TMTC2: variants seen among roughly 807,000 people sequenced by gnomAD.
TMTC2 encodes the protein protein O-mannosyl-transferase TMTC2.
Under a neutral mutation model 82.4 loss-of-function variants are expected in TMTC2, and 43 were observed. The ratio of observed to expected loss-of-function variants is 0.52; its 90% CI spans 0.41 to 0.67. The LOEUF (loss-of-function observed/expected upper bound fraction) is 0.67. Ranked by LOEUF, TMTC2 falls within the 30% of genes least tolerant of loss-of-function variation. TMTC2 has a pLI of 0.00. For synonymous variants in TMTC2, 408 were observed against 381.9 expected, an observed-to-expected ratio of 1.07 and a Z score of -0.80; for missense variants, 919 against 1,012.4, an observed-to-expected ratio of 0.91 and a Z score of 1.25.
At chr12:82,700,559 T>C (rs1253784257) in intron 1 of TMTC2, among the ~76,000 whole-genome samples, 4 of 152,146 alleles carry the variant, frequency 2.6e-5, no homozygotes, top group African/African-American at 7.2e-5. Context: ...AATTTTAAGT[T>C]TGGAGAAGTG....
intron 1 of TMTC2, among the ~76,000 whole-genome samples, chr12:82,742,524 T>C (rs377364049): frequency 6.6e-5 from 10 of 150,384 alleles, no homozygotes; most frequent in African/African-American, 1.5e-4. Flanking sequence ...GTATATTCTT[T>C]TTTTTTTTTT....
At chr12:82,993,430 A>C (rs1879483508) in intron 8 of TMTC2, among the ~76,000 whole-genome samples, 1 of 152,216 alleles carries the variant, frequency 6.6e-6, no homozygotes, top group Admixed American at 6.5e-5. Flanking sequence ...CAATTTAAAA[A>C]AACAGGCAGA....
intron 11 of TMTC2, among the ~76,000 whole-genome samples, chr12:83,068,691 C>G (rs1883005483): frequency 6.6e-6 from 1 of 152,000 alleles, no homozygotes; most frequent in South Asian, 2.1e-4. Context: ...CAAATACATC[C>G]ATATATTTTG....
At chr12:82,927,152 CT>C (rs1364296697) in intron 3 of TMTC2, among the ~76,000 whole-genome samples, 23 of 152,068 alleles carry the variant, frequency 1.5e-4, no homozygotes, top group African/African-American at 4.8e-5. Context: ...AAATGGAAAA[CT>C]TTTGGAAAGA....
intron 11 of TMTC2, among the ~76,000 whole-genome samples, chr12:83,066,341 A>G (rs2137480374): frequency 6.6e-6 from 1 of 152,020 alleles, no homozygotes; most frequent in East Asian, 1.9e-4. Flanking sequence ...GAACAAGGAG[A>G]GAATTCTGGC....
intron 3 of TMTC2, among the ~76,000 whole-genome samples, chr12:82,926,717 A>G (rs921639623): frequency 2.0e-5 from 3 of 152,206 alleles, no homozygotes; most frequent in Admixed American, 2.0e-4. Context: ...GGCTAATACA[A>G]CTGGTAACCT....
chr12:82,704,083 A>C (rs1476905697), intron 1 of TMTC2, among the ~76,000 whole-genome samples: 1 of 152,026 alleles, frequency 6.6e-6, no homozygotes, highest in Non-Finnish European at 1.5e-5. Flanking sequence ...TTTTTATGGG[A>C]GGTGGGGAGG....
intron 1 of TMTC2, among the ~76,000 whole-genome samples, chr12:82,842,829 T>G (rs553457096): frequency 4.1e-4 from 63 of 152,202 alleles, no homozygotes; most frequent in South Asian, 8.3e-4. Flanking sequence ...TGTGTCCAAA[T>G]TTTTTTTCTT....
chr12:82,923,520 T>A (rs1025864753), intron 3 of TMTC2, among the ~76,000 whole-genome samples: 4 of 152,116 alleles, frequency 2.6e-5, no homozygotes, highest in Admixed American at 2.6e-4. Flanking sequence ...TTTTTTTACA[T>A]TTCAAATGAT....
chr12:82,881,355 A>G (rs1033506502), intron 2 of TMTC2, among the ~76,000 whole-genome samples: 1 of 152,244 alleles, frequency 6.6e-6, no homozygotes, highest in African/African-American at 2.4e-5. Flanking sequence ...ACTTTCCGAC[A>G]TCGTAATTTC....
chr12:82,864,467 A>G (rs990265796), intron 2 of TMTC2, among the ~76,000 whole-genome samples: 2 of 144,096 alleles, frequency 1.4e-5, no homozygotes, highest in South Asian at 4.6e-4. Context: ...GAAGTTTTAT[A>G]TCTCATTCAT....
At chr12:82,827,843 G>A (rs1869507555) in intron 1 of TMTC2, among the ~76,000 whole-genome samples, 1 of 151,386 alleles carries the variant, frequency 6.6e-6, no homozygotes, top group African/African-American at 2.4e-5. Flanking sequence ...GACTATGGAT[G>A]CCTGCCACCA....
intron 7 of TMTC2, among the ~76,000 whole-genome samples, chr12:82,975,482 G>A (rs908886173): frequency 1.2e-4 from 19 of 152,040 alleles, no homozygotes; most frequent in Admixed American, 8.5e-4. Flanking sequence ...GTTTTGTTCC[G>A]GATTGCATTA....
intron 1 of TMTC2, among the ~76,000 whole-genome samples, chr12:82,704,901 C>T (rs530113092): frequency 2.0e-5 from 3 of 152,070 alleles, no homozygotes; most frequent in Non-Finnish European, 4.4e-5. Flanking sequence ...ATGTTTATAG[C>T]GGCACAATTC....
At chr12:82,874,575 G>A (rs1481467430) in intron 2 of TMTC2, among the ~76,000 whole-genome samples, 1 of 151,964 alleles carries the variant, frequency 6.6e-6, no homozygotes, top group East Asian at 1.9e-4. Context: ...AAACTGTACT[G>A]GGCTATACAT....
intron 8 of TMTC2, among the ~76,000 whole-genome samples, chr12:82,996,487 A>G (rs1879621623): frequency 6.6e-6 from 1 of 152,228 alleles, no homozygotes; most frequent in South Asian, 2.1e-4. Context: ...TTTGTACAAC[A>G]TAATTGAGGC....
intron 3 of TMTC2, among the ~76,000 whole-genome samples, chr12:82,901,982 A>G (rs187881737): frequency 1.3e-5 from 2 of 152,242 alleles, no homozygotes; most frequent in African/African-American, 4.8e-5. Flanking sequence ...ACCTTCACCA[A>G]GTGTTTCTTC....
intron 1 of TMTC2, among the ~76,000 whole-genome samples, chr12:82,725,256 C>T (rs945126070): frequency 3.9e-5 from 6 of 152,002 alleles, no homozygotes; most frequent in African/African-American, 1.4e-4. Context: ...CCTTGCTAAT[C>T]TGTATAACCA....
intron 11 of TMTC2, among the ~76,000 whole-genome samples, chr12:83,098,042 A>T (rs1884091232): frequency 6.6e-6 from 1 of 152,230 alleles, no homozygotes; most frequent in African/African-American, 2.4e-5. Context: ...ATTTACAAAG[A>T]TGTCGAGGGC....
Sources: gnomAD v4.1 joint callset for allele counts (sites outside exome capture counted in the v4.1 genomes callset) on GRCh38, gnomAD v4.1.1 for gene constraint, MANE v1.5 for transcripts, NCBI Gene and HGNC (gene_info 2026-07-23, HGNC 2026-07-21) for gene names.